Variants in PDE8B observed in about 807,000 individuals in gnomAD.
PDE8B encodes high affinity cAMP-specific and IBMX-insensitive 3',5'-cyclic phosphodiesterase 8B.
PDE8B carries 26 observed loss-of-function variants against 101.3 expected under a neutral mutation model. The ratio of observed to expected loss-of-function variants is 0.26; its 90% CI spans 0.19 to 0.36. The LOEUF (loss-of-function observed/expected upper bound fraction) is 0.36. Ranked by LOEUF, PDE8B falls within the 10% of genes least tolerant of loss-of-function variation. The pLI, the probability that PDE8B is intolerant of heterozygous loss-of-function variation, is 1.00. For synonymous variants in PDE8B, 424 were observed against 429.3 expected (o/e 0.99, Z 0.15); for missense variants, 810 against 1,163.1 (o/e 0.70, Z 4.42).
At chr5:77,393,386 CTG>C (rs1282399738) in intron 10 of PDE8B, among the ~76,000 whole-genome samples, 1 of 101,290 alleles carries the variant, frequency 9.9e-6, no homozygotes, top group African/African-American at 4.3e-5. Flanking sequence ...CAGAGTGAGA[CTG>C]TCTCCAAAAA....
chr5:77,251,160 G>A (rs1757983431), intron 1 of PDE8B, among the ~76,000 whole-genome samples: 3 of 152,208 alleles, frequency 2.0e-5, no homozygotes, highest in Admixed American at 6.5e-5. Flanking sequence ...GTCTCTATCT[G>A]TAAAATGAAA....
In PDE8B at chr5:77,312,912, G is replaced by A. The variant is rs528905865; in HGVS notation, c.399+859G>A. On this transcript the variant is annotated intron_variant, in intron 2 of 21. Coordinates refer to ENST00000264917, the MANE Select transcript of PDE8B (RefSeq NM_003719.5). ...AGGATACAAGGCCCAACCACCTGTA[G>A]GACTGACTTCACTCTAATAATGGCA... is the stretch of plus-strand genomic sequence containing the variant. Among the ~76,000 whole-genome samples, 8 of 152,306 alleles carry A rather than the reference G, an allele frequency of 5.3e-5. No homozygotes were observed. The South Asian group carries it at 1.7e-3, about 32-fold the overall frequency.
chr5:77,267,066 C>T (rs1367038996), intron 1 of PDE8B, among the ~76,000 whole-genome samples: 1 of 152,042 alleles, frequency 6.6e-6, no homozygotes, highest in Non-Finnish European at 1.5e-5. Context: ...ATGCATTTCC[C>T]TGTGTTAAGG....
At chr5:77,108,403 G>A in the PDE8B span, among the ~76,000 whole-genome samples, 1 of 152,076 alleles carries the variant, frequency 6.6e-6, no homozygotes, top group South Asian at 2.1e-4. Flanking sequence ...TATTAATGCA[G>A]GCCAGGCACA....
At chr5:77,309,305 A>G (rs1225433426) in intron 1 of PDE8B, among the ~76,000 whole-genome samples, 1 of 152,070 alleles carries the variant, frequency 6.6e-6, no homozygotes, top group Non-Finnish European at 1.5e-5. Flanking sequence ...CAGGCAAGGT[A>G]TTGGTTAGGG....
At chr5:77,175,675 A>G in the PDE8B span, among the ~76,000 whole-genome samples, 2 of 152,234 alleles carry the variant, frequency 1.3e-5, no homozygotes, top group Non-Finnish European at 2.9e-5. Context: ...GTATGGATTC[A>G]TCTTACAAAT....
At chr5:77,387,510 T>C (rs1337462957) in intron 10 of PDE8B, among the ~76,000 whole-genome samples, 1 of 152,242 alleles carries the variant, frequency 6.6e-6, no homozygotes, top group East Asian at 1.9e-4. Context: ...TTTTCCTTCA[T>C]TTCAACCTTG....
In PDE8B at chr5:77,427,506, C is replaced by A. The variant is rs999900636; in HGVS notation, c.*952C>A. ...TATGTTGTGCCATGCACCATCTATA[C>A]GTAATATTTTGGGAGGGGATAGGGG... On this transcript the variant is annotated 3_prime_UTR_variant, in exon 22 of 22. Transcript: ENST00000264917. 4 of 151,820 alleles carry A rather than the reference C, an allele frequency of 2.6e-5. No individual in the cohort carries two copies. The highest frequency in any genetic ancestry group is 5.9e-5 in the Non-Finnish European group (4 of 67,994). 9.4% of individuals were successfully genotyped at this position (151,820 alleles called of 1,614,324 possible).
intron 5 of PDE8B, among the ~76,000 whole-genome samples, chr5:77,335,798 T>G (rs1303410090): frequency 6.6e-6 from 1 of 152,164 alleles, no homozygotes; most frequent in Non-Finnish European, 1.5e-5. Context: ...GCATGATATG[T>G]TTTTTTAATC....
At chr5:77,253,401 A>C (rs1758472082) in intron 1 of PDE8B, among the ~76,000 whole-genome samples, 1 of 152,198 alleles carries the variant, frequency 6.6e-6, no homozygotes, top group Non-Finnish European at 1.5e-5. Flanking sequence ...TTCCCCTTTC[A>C]CATCTTTGGA....
chr5:77,355,714 C>T (rs1242395474), intron 10 of PDE8B, among the ~76,000 whole-genome samples: 8 of 152,196 alleles, frequency 5.3e-5, no homozygotes, highest in Admixed American at 5.2e-4. Flanking sequence ...TCTGTGCTGG[C>T]ACCAGGGACA....
At chr5:77,286,900 A>G (rs997296880) in intron 1 of PDE8B, among the ~76,000 whole-genome samples, 18 of 152,180 alleles carry the variant, frequency 1.2e-4, no homozygotes, top group African/African-American at 4.8e-5. Context: ...TGTTAACCCA[A>G]TGTTAATATC....
At chr5:77,155,208 GGAGA>G in the PDE8B span, among the ~76,000 whole-genome samples, 1 of 152,120 alleles carries the variant, frequency 6.6e-6, no homozygotes, top group Non-Finnish European at 1.5e-5. Flanking sequence ...GAGTATGTGT[GGAGA>G]GAGAGAAAAA....
At chr5:77,180,131 TCCAGCGAGG>T in the PDE8B span, among the ~76,000 whole-genome samples, 10 of 152,088 alleles carry the variant, frequency 6.6e-5, no homozygotes, top group Non-Finnish European at 1.3e-4. Flanking sequence ...GTTTGGCAGC[TCCAGCGAGG>T]CTGGACTTCC....
chr5:77,375,961 C>G (rs1786041049), intron 10 of PDE8B, among the ~76,000 whole-genome samples: 1 of 135,888 alleles, frequency 7.4e-6, no homozygotes, highest in Non-Finnish European at 1.5e-5. Flanking sequence ...GGTGCAGTCT[C>G]GGCTCACCGC....
At chr5:77,414,058 A>C (rs2151114386) in intron 17 of PDE8B, among the ~76,000 whole-genome samples, 1 of 152,326 alleles carries the variant, frequency 6.6e-6, no homozygotes, top group Non-Finnish European at 1.5e-5. Context: ...CCATATGGGG[A>C]TTGAAATTCA....
At chr5:77,377,698 CAG>C (rs1247976436) in intron 10 of PDE8B, among the ~76,000 whole-genome samples, 1 of 152,178 alleles carries the variant, frequency 6.6e-6, no homozygotes, top group Non-Finnish European at 1.5e-5. Flanking sequence ...GAATTTGAAT[CAG>C]AGGACAGGAA....
the PDE8B span, among the ~76,000 whole-genome samples, chr5:77,091,634 C>T: frequency 2.0e-5 from 3 of 151,916 alleles, no homozygotes; most frequent in Non-Finnish European, 4.4e-5. Context: ...GAGTGAGACT[C>T]TGTCTGAAAA....
chr5:77,140,095 G>GGCAT, the PDE8B span: 1 of 151,962 alleles, frequency 6.6e-6, no homozygotes, highest in Non-Finnish European at 1.5e-5. Flanking sequence ...TGCTTCTGAT[G>GGCAT]GCATCCTACC....
Sources: gnomAD v4.1 joint callset for allele counts (sites outside exome capture counted in the v4.1 genomes callset) on GRCh38, gnomAD v4.1.1 for gene constraint, MANE v1.5 for transcripts, NCBI Gene and HGNC (gene_info 2026-07-23, HGNC 2026-07-21) for gene names.